Variants in PHYH observed in about 807,000 individuals in gnomAD.
The protein encoded by PHYH is phytanoyl-CoA dioxygenase, peroxisomal.
PHYH carries 32 observed loss-of-function variants against 38.5 expected under a neutral mutation model. The observed-to-expected ratio is 0.83, with a 90% confidence interval of 0.63 to 1.12. PHYH has a LOEUF of 1.12. Ranked by LOEUF, PHYH falls within the 50% of genes most tolerant of loss-of-function variation. The pLI, the probability that PHYH is intolerant of heterozygous loss-of-function variation, is 0.00. For synonymous variants in PHYH, 166 were observed against 157.9 expected (o/e 1.05, Z -0.38); for missense variants, 426 against 434.8 (o/e 0.98, Z 0.18).
chr10:13,280,872 C>T, intron 8 of PHYH, 104 bp downstream of exon 8: 2 of 1,128,486 alleles, frequency 1.8e-6, no homozygotes, highest in South Asian at 2.5e-5. Context: ...TGAATCTAAA[C>T]CCAAGCACTA....
At chr10:13,291,034 G>C (rs1835696203) in intron 5 of PHYH, among the ~76,000 whole-genome samples, 1 of 149,990 alleles carries the variant, frequency 6.7e-6, no homozygotes. Flanking sequence ...AACCTGGGAG[G>C]TGGGGGTTGC....
At chr10:13,289,738 C>T (rs1166332438) in intron 5 of PHYH, among the ~76,000 whole-genome samples, 2 of 151,616 alleles carry the variant, frequency 1.3e-5, no homozygotes, top group African/African-American at 4.8e-5. Context: ...TTGAGACCAG[C>T]CTGGCCAACA....
chr10:13,291,933 C>T, intron 4 of PHYH, 21 bp from the exon 5 acceptor site: 1 of 1,478,006 alleles, frequency 6.8e-7, no homozygotes, highest in Non-Finnish European at 9.4e-7. Context: ...AAAAAAAAAA[C>T]AAAAACAAAC....
intron 8 of PHYH, 118 bp downstream of exon 8, chr10:13,280,858 A>G: frequency 1.0e-6 from 1 of 1,002,208 alleles, no homozygotes; most frequent in Non-Finnish European, 1.6e-6. Context: ...CGATGTCCCT[A>G]AAATGAATCT....
At chr10:13,286,557 T>C (rs1310958125) in intron 6 of PHYH, among the ~76,000 whole-genome samples, 1 of 151,824 alleles carries the variant, frequency 6.6e-6, no homozygotes, top group Non-Finnish European at 1.5e-5. Flanking sequence ...AAAAATTAGC[T>C]GAGCATGGTG....
At chr10:13,297,213 C>T (rs983257153) in intron 2 of PHYH, among the ~76,000 whole-genome samples, 2 of 134,500 alleles carry the variant, frequency 1.5e-5, no homozygotes, top group Admixed American at 1.4e-4. Flanking sequence ...GAAACAAATT[C>T]AATAAATTGT....
chr10:13,294,291 A>G, intron 4 of PHYH, 137 bp downstream of exon 4: 1 of 762,098 alleles, frequency 1.3e-6, no homozygotes, highest in Non-Finnish European at 2.3e-6. Flanking sequence ...CCTGGGATCA[A>G]GCGATCCACC....
chr10:13,299,879 C>T, intron 1 of PHYH, 89 bp downstream of exon 1: 2 of 1,426,534 alleles, frequency 1.4e-6, no homozygotes, highest in South Asian at 1.4e-5. Context: ...AGCGTGCGAC[C>T]CCGAGGCCTC....
chr10:13,290,161 G>T (rs1282397105), intron 5 of PHYH, among the ~76,000 whole-genome samples: 1 of 149,338 alleles, frequency 6.7e-6, no homozygotes, highest in East Asian at 2.0e-4. Flanking sequence ...TGGGTGTGGT[G>T]GTGGGCACCT....
chr10:13,291,340 G>A (rs1835706067), intron 5 of PHYH: 6 of 172,994 alleles, frequency 3.5e-5, no homozygotes, highest in Admixed American at 3.3e-4. Flanking sequence ...TTCAGCAACA[G>A]TCCTACAGTT....
intron 2 of PHYH, among the ~76,000 whole-genome samples, chr10:13,297,621 T>C (rs919651813): frequency 6.6e-6 from 1 of 151,854 alleles, no homozygotes; most frequent in African/African-American, 2.4e-5. Context: ...GCCCAGCTAA[T>C]TTTTGTATTT....
At chr10:13,299,003 C>A (rs1376898382) in intron 1 of PHYH, among the ~76,000 whole-genome samples, 1 of 149,600 alleles carries the variant, frequency 6.7e-6, no homozygotes, top group Non-Finnish European at 1.5e-5. Flanking sequence ...CGCCTGGCAT[C>A]GTGGCGCAAC....
At chr10:13,291,776 G>A (rs763265070) in intron 5 of PHYH, 55 bp downstream of exon 5, 3 of 1,213,660 alleles carry the variant, frequency 2.5e-6, no homozygotes, top group Non-Finnish European at 3.7e-6. Flanking sequence ...ACTGCACCCA[G>A]CCAACCTTAC....
rs953823550 is a variant in PHYH, at chr10:13,283,906, T to C, written c.679-67A>G. 1.4e-5 allele frequency: 19 copies of C among 1,311,604 alleles called. No homozygotes were observed. In the East Asian group the frequency reaches 4.1e-4, roughly 29 times the overall value. 81.2% of individuals were successfully genotyped at this position (1,311,604 alleles called of 1,614,324 possible). A position where few individuals can be genotyped will look rare whatever the true frequency, so the allele number is the denominator to read the frequency against. ...CATAATTAAAAACATTGTCAATGGT[T>C]CATCAGGGAAAGCAAACATCAGGGA... On this transcript the variant is annotated intron_variant, in intron 6 of 8. Coordinates refer to ENST00000263038, the MANE Select transcript of PHYH (RefSeq NM_006214.4).
intron 1 of PHYH, among the ~76,000 whole-genome samples, chr10:13,298,518 T>C (rs1391235710): frequency 6.6e-6 from 1 of 151,952 alleles, no homozygotes; most frequent in African/African-American, 2.4e-5. Flanking sequence ...CTGACCAATA[T>C]GGTGAAACCC....
intron 2 of PHYH, among the ~76,000 whole-genome samples, chr10:13,297,178 T>C (rs543660049): frequency 5.9e-5 from 9 of 152,120 alleles, no homozygotes; most frequent in Non-Finnish European, 8.8e-5. Flanking sequence ...GTTTCTGTAA[T>C]GAATACATAT....
At chr10:13,283,664 G>T (rs778568885) in intron 7 of PHYH, 26 bp downstream of exon 7, 2 of 1,610,098 alleles carry the variant, frequency 1.2e-6, no homozygotes, top group Admixed American at 3.3e-5. Context: ...CACTTCTGCA[G>T]CAGGTGCAGC....
intron 4 of PHYH, among the ~76,000 whole-genome samples, chr10:13,292,933 CAAAAA>C (rs57345841): frequency 2.7e-5 from 3 of 109,894 alleles, no homozygotes; most frequent in Non-Finnish European, 1.9e-5. Flanking sequence ...GACTCTGTCT[CAAAAA>C]AAAAAAAAAA....
At chr10:13,298,596 G>C (rs1316213131) in intron 1 of PHYH, among the ~76,000 whole-genome samples, 1 of 151,980 alleles carries the variant, frequency 6.6e-6, no homozygotes, top group Non-Finnish European at 1.5e-5. Flanking sequence ...AGCTACTGGA[G>C]AGGCTAAGAC....
Sources: allele counts gnomAD v4.1 joint callset (sites outside exome capture counted in the v4.1 genomes callset), GRCh38; gene constraint gnomAD v4.1.1; transcripts MANE v1.5; gene names NCBI Gene and HGNC (gene_info 2026-07-23, HGNC 2026-07-21).